The following ZMAT4 variants were observed in gnomAD, a reference collection of about 807,000 sequenced individuals.
ZMAT4 encodes the protein zinc finger matrin-type protein 4.
Under a neutral mutation model 28.7 loss-of-function variants are expected in ZMAT4, and 17 were observed. That is an observed-to-expected ratio of 0.59 (90% confidence interval 0.41 to 0.89). The LOEUF is 0.89. ZMAT4 is among the 40% of genes least tolerant of loss of function. ZMAT4 has a pLI of 0.00. For synonymous variants in ZMAT4, 117 were observed against 109.2 expected (o/e 1.07, Z -0.44); for missense variants, 240 against 283.8 (o/e 0.85, Z 1.11).
At chr8:40,885,108 C>T (rs1261658699) in intron 1 of ZMAT4, among the ~76,000 whole-genome samples, 1 of 152,142 alleles carries the variant, frequency 6.6e-6, no homozygotes, top group Non-Finnish European at 1.5e-5. Context: ...TAGCTTAGAG[C>T]TCGTCTCTGA....
At chr8:40,839,481 C>T (rs942685830) in intron 1 of ZMAT4, among the ~76,000 whole-genome samples, 1 of 152,152 alleles carries the variant, frequency 6.6e-6, no homozygotes, top group Non-Finnish European at 1.5e-5. Flanking sequence ...AGGTATCTAC[C>T]CAAAGGAAAA....
intron 5 of ZMAT4, among the ~76,000 whole-genome samples, chr8:40,595,275 A>T (rs1370607370): frequency 6.6e-6 from 1 of 152,110 alleles, no homozygotes; most frequent in East Asian, 1.9e-4. Flanking sequence ...AACTGTTCAG[A>T]CTGATCTCCC....
At chr8:40,647,770 T>TGACCCCC (rs929365993) in intron 5 of ZMAT4, among the ~76,000 whole-genome samples, 2 of 152,172 alleles carry the variant, frequency 1.3e-5, no homozygotes, top group African/African-American at 4.8e-5. Flanking sequence ...CCCTGACCCC[T>TGACCCCC]GACCCCCGAG....
chr8:40,542,682 C>T (rs1803079037), intron 6 of ZMAT4, among the ~76,000 whole-genome samples: 2 of 152,112 alleles, frequency 1.3e-5, no homozygotes, highest in Non-Finnish European at 2.9e-5. Context: ...AACCAGTGTG[C>T]CTGACCTCAT....
At chr8:40,637,130 G>A (rs1169891749) in intron 5 of ZMAT4, among the ~76,000 whole-genome samples, 1 of 151,428 alleles carries the variant, frequency 6.6e-6, no homozygotes, top group Non-Finnish European at 1.5e-5. Flanking sequence ...ATTCCCATGT[G>A]GGCACACAGA....
intron 4 of ZMAT4, among the ~76,000 whole-genome samples, chr8:40,687,458 A>C (rs1809465065): frequency 6.6e-6 from 1 of 152,196 alleles, no homozygotes; most frequent in Admixed American, 6.5e-5. Context: ...CCAGCCAATG[A>C]GAAAGAGTTA....
At chr8:40,733,268 T>C (rs926038820) in intron 3 of ZMAT4, among the ~76,000 whole-genome samples, 5 of 152,166 alleles carry the variant, frequency 3.3e-5, no homozygotes. Context: ...AGACCCATTC[T>C]TGGTCTTTCA....
intron 1 of ZMAT4, among the ~76,000 whole-genome samples, chr8:40,877,387 A>G (rs1448443509): frequency 6.6e-6 from 1 of 152,236 alleles, no homozygotes; most frequent in Non-Finnish European, 1.5e-5. Flanking sequence ...TGAAGTCCCC[A>G]GGAATACATG....
intron 5 of ZMAT4, among the ~76,000 whole-genome samples, chr8:40,638,406 T>G (rs946425944): frequency 6.6e-6 from 1 of 152,250 alleles, no homozygotes; most frequent in African/African-American, 2.4e-5. Context: ...TAATTTATAC[T>G]CATTTAATGA....
At chr8:40,804,266 C>A (rs1467435563) in intron 2 of ZMAT4, among the ~76,000 whole-genome samples, 1 of 152,096 alleles carries the variant, frequency 6.6e-6, no homozygotes, top group Non-Finnish European at 1.5e-5. Context: ...AATGTAGGTT[C>A]ATTACTTTTA....
At chr8:40,748,443 CA>C (rs1554550260) in intron 3 of ZMAT4, among the ~76,000 whole-genome samples, 1 of 152,136 alleles carries the variant, frequency 6.6e-6, no homozygotes, top group Non-Finnish European at 1.5e-5. Context: ...CACCCATAAG[CA>C]GAAAGGAGGG....
At chr8:40,739,170 A>G (rs1038165671) in intron 3 of ZMAT4, among the ~76,000 whole-genome samples, 2 of 152,232 alleles carry the variant, frequency 1.3e-5, no homozygotes, top group Non-Finnish European at 2.9e-5. Flanking sequence ...TTGATACAGC[A>G]TTTGAGAAGC....
intron 5 of ZMAT4, among the ~76,000 whole-genome samples, chr8:40,644,898 G>A (rs1807231422): frequency 6.6e-6 from 1 of 152,160 alleles, no homozygotes; most frequent in South Asian, 2.1e-4. Context: ...GAAACATCAG[G>A]AAAATTCCAG....
intron 3 of ZMAT4, among the ~76,000 whole-genome samples, chr8:40,729,995 G>C (rs894397706): frequency 1.3e-5 from 2 of 152,178 alleles, no homozygotes; most frequent in African/African-American, 4.8e-5. Context: ...CCATAATTAT[G>C]TTTAAAATCT....
chr8:40,877,469 T>G (rs908212001), intron 1 of ZMAT4, among the ~76,000 whole-genome samples: 3 of 152,220 alleles, frequency 2.0e-5, no homozygotes, highest in Admixed American at 6.5e-5. Flanking sequence ...GCCCTCTTGC[T>G]GAACTCTGCC....
intron 5 of ZMAT4, among the ~76,000 whole-genome samples, chr8:40,589,031 T>C (rs977803975): frequency 2.0e-5 from 3 of 152,228 alleles, no homozygotes; most frequent in Non-Finnish European, 4.4e-5. Flanking sequence ...TGTTTTTGTG[T>C]AATTTCTTTC....
chr8:40,891,579 C>T (rs1036269975), intron 1 of ZMAT4, among the ~76,000 whole-genome samples: 12 of 152,170 alleles, frequency 7.9e-5, no homozygotes, highest in Non-Finnish European at 1.2e-4. Context: ...GGCTTCTCCA[C>T]GCCTTGTCTC....
intron 1 of ZMAT4, among the ~76,000 whole-genome samples, chr8:40,896,523 G>A (rs191514669): frequency 1.1e-3 from 160 of 152,284 alleles, no homozygotes; most frequent in African/African-American, 3.6e-3. Flanking sequence ...AAGAAAGTTC[G>A]AGACCAAGCA....
At chr8:40,731,188 C>A (rs1435589134) in intron 3 of ZMAT4, among the ~76,000 whole-genome samples, 1 of 146,654 alleles carries the variant, frequency 6.8e-6, no homozygotes, top group Non-Finnish European at 1.5e-5. Flanking sequence ...GGAGGGCGTT[C>A]CAGGGGATTT....
Sources: allele counts gnomAD v4.1 joint callset (sites outside exome capture counted in the v4.1 genomes callset), GRCh38; gene constraint gnomAD v4.1.1; transcripts MANE v1.5; gene names NCBI Gene and HGNC (gene_info 2026-07-23, HGNC 2026-07-21).